LRRC72: variants seen among roughly 807,000 people sequenced by gnomAD.
LRRC72 encodes leucine rich repeat containing 72, also known as leucine-rich repeat-containing protein 72.
LRRC72 carries 41 observed loss-of-function variants against 35.8 expected under a neutral mutation model. The observed-to-expected ratio is 1.15, with a 90% CI of 0.89 to 1.49. The LOEUF (loss-of-function observed/expected upper bound fraction) is 1.49, where lower values mean the gene tolerates loss of function less well. LRRC72 is among the 40% of genes most tolerant of loss of function. LRRC72 has a pLI of 0.00. For missense variants in LRRC72, 389 were observed against 330.7 expected (o/e 1.18, Z -1.37); for synonymous variants, 118 against 119.2 (o/e 0.99, Z 0.07).
At chr7:16,541,559 C>T (rs1478281285) in intron 3 of LRRC72, among the ~76,000 whole-genome samples, 1 of 152,308 alleles carries the variant, frequency 6.6e-6, no homozygotes, top group Admixed American at 6.5e-5. Flanking sequence ...AGGCAGCTAA[C>T]AGCTGGAATG....
At chr7:16,529,987 G>A (rs1782133794) in intron 1 of LRRC72, among the ~76,000 whole-genome samples, 1 of 152,022 alleles carries the variant, frequency 6.6e-6, no homozygotes, top group South Asian at 2.1e-4. Context: ...TGTGCATTTT[G>A]TATTCATATA....
intron 5 of LRRC72, among the ~76,000 whole-genome samples, chr7:16,561,396 G>C (rs996278347): frequency 2.0e-5 from 3 of 152,112 alleles, no homozygotes; most frequent in African/African-American, 7.2e-5. Flanking sequence ...AATAAATAAG[G>C]TTATACCCTA....
intron 7 of LRRC72, among the ~76,000 whole-genome samples, chr7:16,576,632 C>T (rs1008983169): frequency 3.3e-5 from 5 of 152,132 alleles, no homozygotes; most frequent in African/African-American, 1.2e-4. Context: ...ACACTTTGGG[C>T]TTCTACCTGG....
chr7:16,564,205 G>A (rs1301421440), intron 5 of LRRC72, among the ~76,000 whole-genome samples: 1 of 152,196 alleles, frequency 6.6e-6, no homozygotes, highest in South Asian at 2.1e-4. Context: ...GTTATGAGGT[G>A]TCAGATGTGA....
intron 2 of LRRC72, among the ~76,000 whole-genome samples, chr7:16,535,142 T>C (rs1782231204): frequency 6.6e-6 from 1 of 152,028 alleles, no homozygotes; most frequent in Non-Finnish European, 1.5e-5. Context: ...TGAGCCGAGA[T>C]GGAGCCACTG....
chr7:16,579,018 C>T (rs973221813), intron 7 of LRRC72, among the ~76,000 whole-genome samples: 4 of 152,118 alleles, frequency 2.6e-5, no homozygotes, highest in Admixed American at 6.6e-5. Flanking sequence ...TTATATTACA[C>T]AAATGAATAA....
chr7:16,541,944 GACAC>G lies in LRRC72; in HGVS notation c.234+4268_234+4271del, dbSNP rs111489811. Among the ~76,000 whole-genome samples the G allele has an allele frequency of 5.3e-3, 795 of 149,442 alleles. 8 individuals carry two copies. The highest frequency in any genetic ancestry group is 0.018 in the African/African-American group (746 of 40,748). On this transcript the variant is annotated intron_variant, in intron 3 of 8. Coordinates refer to ENST00000401542, the MANE Select transcript of LRRC72 (RefSeq NM_001195280.2). ...ACATACACGCACACACAGACAGACA[GACAC>G]ACACACACACACACACACAGCCAAA...
chr7:16,544,278 C>G (rs1007079414), intron 3 of LRRC72, among the ~76,000 whole-genome samples: 14 of 152,136 alleles, frequency 9.2e-5, no homozygotes, highest in African/African-American at 3.1e-4. Flanking sequence ...CGTGAACTAG[C>G]TGATGAAAAA....
At chr7:16,563,162 T>A (rs1000696541) in intron 5 of LRRC72, among the ~76,000 whole-genome samples, 1 of 152,204 alleles carries the variant, frequency 6.6e-6, no homozygotes, top group Non-Finnish European at 1.5e-5. Flanking sequence ...TCTTATTAAT[T>A]ACATCAACTT....
intron 1 of LRRC72, among the ~76,000 whole-genome samples, chr7:16,528,957 G>C (rs986604385): frequency 6.6e-6 from 1 of 152,100 alleles, no homozygotes; most frequent in Non-Finnish European, 1.5e-5. Flanking sequence ...ATCAGAATTA[G>C]ACTTTCTCAC....
chr7:16,555,734 G>A (rs966973210), intron 3 of LRRC72, among the ~76,000 whole-genome samples: 14 of 151,920 alleles, frequency 9.2e-5, no homozygotes, highest in Admixed American at 2.6e-4. Flanking sequence ...AGCTGAGATC[G>A]TGCCACTGCA....
At position 16,567,534 on chromosome 7, in the gene LRRC72, G is replaced by A; in HGVS notation, c.661G>A (p.Val221Ile). ...ATTTAAGCAAAAACCAGCCCAGAGA[G>A]TACCTTCAGGTATTTCGTAAAAAAA... ...SPFKQKPAQR[V>I]PSDFAFANNV... Residue 221 changes from valine (V) to isoleucine (I), a missense_variant, in exon 7 of 9, where the codon GTA (valine) becomes ATA (isoleucine). By Grantham distance (29) the Val-to-Ile change is conservative. Transcript: ENST00000401542. The A allele has an allele frequency of 8.5e-7, 1 of 1,170,756 alleles. No homozygotes were observed. The highest frequency in any genetic ancestry group is 1.7e-5 in the African/African-American group (1 of 58,494). The allele number at this position is 1,170,756 out of a possible 1,614,324, so 72.5% of individuals were successfully genotyped here. A position where few individuals can be genotyped will look rare whatever the true frequency, so the allele number is the denominator to read the frequency against.
At chr7:16,575,401 T>A (rs1299702019) in intron 7 of LRRC72, among the ~76,000 whole-genome samples, 1 of 152,206 alleles carries the variant, frequency 6.6e-6, no homozygotes, top group Non-Finnish European at 1.5e-5. Context: ...CCTGAGAAGC[T>A]GTGTTTTATA....
intron 3 of LRRC72, among the ~76,000 whole-genome samples, chr7:16,552,219 G>T (rs1396024013): frequency 6.6e-6 from 1 of 152,092 alleles, no homozygotes; most frequent in Admixed American, 6.6e-5. Context: ...ACATTCAAAA[G>T]TTTTCTCAGA....
intron 5 of LRRC72, among the ~76,000 whole-genome samples, chr7:16,562,295 T>C (rs953718156): frequency 2.6e-5 from 4 of 152,056 alleles, no homozygotes; most frequent in Non-Finnish European, 4.4e-5. Flanking sequence ...TCCACATGTG[T>C]CAAAGACCCA....
chr7:16,545,074 C>A (rs1241021233), intron 3 of LRRC72, among the ~76,000 whole-genome samples: 1 of 152,160 alleles, frequency 6.6e-6, no homozygotes, highest in Non-Finnish European at 1.5e-5. Context: ...GGACTTAAAA[C>A]CTAGATGACG....
chr7:16,539,268 C>T (rs1406836745), intron 3 of LRRC72, among the ~76,000 whole-genome samples: 3 of 152,164 alleles, frequency 2.0e-5, no homozygotes, highest in Non-Finnish European at 2.9e-5. Flanking sequence ...TATGCTTTAG[C>T]AAAGAAACTG....
chr7:16,532,751 TAAAA>T, intron 2 of LRRC72, 183 bp downstream of exon 2: 1 of 519,038 alleles, frequency 1.9e-6, no homozygotes, highest in Non-Finnish European at 3.5e-6. Context: ...TGAAATTGAT[TAAAA>T]AAAAAAAAAT....
intron 3 of LRRC72, among the ~76,000 whole-genome samples, chr7:16,551,402 T>C (rs1222722783): frequency 3.3e-5 from 5 of 152,208 alleles, no homozygotes; most frequent in African/African-American, 7.2e-5. Flanking sequence ...TCTTTTAGTA[T>C]GCTAAAGAAT....
Sources: gnomAD v4.1 joint callset for allele counts (sites outside exome capture counted in the v4.1 genomes callset) on GRCh38, gnomAD v4.1.1 for gene constraint, MANE v1.5 for transcripts, NCBI Gene and HGNC (gene_info 2026-07-23, HGNC 2026-07-21) for gene names.